ESRRG: variants seen among roughly 807,000 people sequenced by gnomAD.
The protein encoded by ESRRG is estrogen related receptor gamma.
Under a neutral mutation model 44.0 loss-of-function variants are expected in ESRRG, and 13 were observed. The ratio of observed to expected loss-of-function variants is 0.30; its 90% CI spans 0.19 to 0.47. The LOEUF is 0.47. Among genes scored for constraint, ESRRG ranks in the 20% least tolerant of loss-of-function variants. The pLI, the probability that ESRRG is intolerant of heterozygous loss-of-function variation, is 1.00. For synonymous variants in ESRRG, 215 were observed against 214.6 expected (o/e 1.00, Z -0.02); for missense variants, 395 against 580.6 (o/e 0.68, Z 3.29).
chr1:216,594,864 G>A (rs993897202), intron 3 of ESRRG, among the ~76,000 whole-genome samples: 7 of 152,194 alleles, frequency 4.6e-5, no homozygotes, highest in African/African-American at 1.7e-4. Flanking sequence ...CAATTGCAAT[G>A]CAAAGAAATT....
chr1:216,951,314 C>T (rs554177590), intron 1 of ESRRG, among the ~76,000 whole-genome samples: 1 of 152,238 alleles, frequency 6.6e-6, no homozygotes, highest in South Asian at 2.1e-4. Context: ...TAGCATGGAA[C>T]ATAAACACAA....
chr1:216,779,939 A>G lies in ESRRG; in HGVS notation c.-13-102448T>C, dbSNP rs779174217. The stretch of plus-strand genomic sequence containing the variant: ...AAAATCAAACAAGATGCCATGTATA[A>G]AGTGACTAGCAGCCAACATGTTCTA... On this transcript the variant is annotated intron_variant, in intron 2 of 7. Coordinates refer to the ESRRG transcript ENST00000359162. 2.8e-4 allele frequency among the ~76,000 whole-genome samples: 43 copies of G among 151,984 alleles called. No homozygotes were observed. The Middle Eastern group carries it at 0.027, about 96-fold the overall frequency.
chr1:216,994,326 A>G (rs2076095089), intron 1 of ESRRG, among the ~76,000 whole-genome samples: 1 of 152,162 alleles, frequency 6.6e-6, no homozygotes, highest in Non-Finnish European at 1.5e-5. Flanking sequence ...CCAGGTATGC[A>G]TTTTACAAAT....
intron 3 of ESRRG, among the ~76,000 whole-genome samples, chr1:216,574,399 G>A (rs2061337236): frequency 6.6e-6 from 1 of 152,114 alleles, no homozygotes; most frequent in African/African-American, 2.4e-5. Flanking sequence ...AAATAGTTCA[G>A]CCCAAGGTCT....
At chr1:217,059,107 T>C (rs1043480547) in intron 1 of ESRRG, among the ~76,000 whole-genome samples, 4 of 149,576 alleles carry the variant, frequency 2.7e-5, no homozygotes, top group African/African-American at 9.8e-5. Flanking sequence ...CTGAGTGTGA[T>C]CCAGTCCCAG....
At chr1:216,880,253 G>C (rs1295278283) in intron 2 of ESRRG, among the ~76,000 whole-genome samples, 3 of 124,734 alleles carry the variant, frequency 2.4e-5, no homozygotes, top group African/African-American at 9.4e-5. Flanking sequence ...GTTGCAGTGT[G>C]CCAAGATTGT....
At chr1:216,613,654 CGTT>C (rs1284457725) in intron 3 of ESRRG, among the ~76,000 whole-genome samples, 1 of 152,128 alleles carries the variant, frequency 6.6e-6, no homozygotes, top group African/African-American at 2.4e-5. Flanking sequence ...ATTTTAACAA[CGTT>C]GTATTTTACT....
intron 2 of ESRRG, among the ~76,000 whole-genome samples, chr1:216,928,347 GCCAT>G (rs1389792157): frequency 6.6e-6 from 1 of 151,930 alleles, no homozygotes; most frequent in Non-Finnish European, 1.5e-5. Context: ...GCCCCTTCTA[GCCAT>G]CCCACTCCTC....
chr1:217,009,706 T>C lies in ESRRG; in HGVS notation c.-105-70033A>G, dbSNP rs980703767. Among the ~76,000 whole-genome samples the C allele has an allele frequency of 7.0e-5, 10 of 142,322 alleles. No homozygotes were observed. The East Asian group carries it at 8.0e-4, about 11-fold the overall frequency. 93.4% of individuals were successfully genotyped at this position (142,322 alleles called of 152,430 possible). A position where few individuals can be genotyped will look rare whatever the true frequency, so the allele number is the denominator to read the frequency against. ...TATAGTTTCCTTTTTCTTTTTCTTT[T>C]TTTTTTTTTTTTTTTTTGAGATGGA... On this transcript the variant is annotated intron_variant, in intron 1 of 7. Transcript: ENST00000359162.
chr1:217,045,319 G>T (rs2151174798), intron 1 of ESRRG, among the ~76,000 whole-genome samples: 1 of 152,262 alleles, frequency 6.6e-6, no homozygotes, highest in East Asian at 1.9e-4. Context: ...CAGGTCAAAG[G>T]AAGTTCAGGA....
intron 1 of ESRRG, among the ~76,000 whole-genome samples, chr1:217,026,574 T>G (rs1466031470): frequency 6.6e-6 from 1 of 152,182 alleles, no homozygotes; most frequent in Non-Finnish European, 1.5e-5. Context: ...GCTTCCCATT[T>G]GATAACACAT....
intron 3 of ESRRG, among the ~76,000 whole-genome samples, chr1:216,616,830 G>T (rs569699969): frequency 6.6e-6 from 1 of 152,226 alleles, no homozygotes; most frequent in African/African-American, 2.4e-5. Context: ...GAGTAGGGTG[G>T]CAGAAATATT....
intron 2 of ESRRG, among the ~76,000 whole-genome samples, chr1:216,763,065 A>T (rs1366781019): frequency 6.6e-6 from 1 of 152,116 alleles, no homozygotes; most frequent in Non-Finnish European, 1.5e-5. Flanking sequence ...CAACTAAAAA[A>T]ATGGGTTAGT....
At chr1:216,875,309 A>C (rs1193576244) in intron 2 of ESRRG, among the ~76,000 whole-genome samples, 1 of 152,204 alleles carries the variant, frequency 6.6e-6, no homozygotes, top group Non-Finnish European at 1.5e-5. Flanking sequence ...AAGTGAACAC[A>C]CTTTTTATCC....
At chr1:216,542,579 T>A (rs1274370748) in intron 5 of ESRRG, among the ~76,000 whole-genome samples, 1 of 152,016 alleles carries the variant, frequency 6.6e-6, no homozygotes, top group Non-Finnish European at 1.5e-5. Context: ...TATTATTTTG[T>A]AGCATTTGTT....
In ESRRG at chr1:217,064,807, C is replaced by T. The variant is rs540290040; in HGVS notation, c.-106+24700G>A. 2.5e-4 allele frequency among the ~76,000 whole-genome samples: 38 copies of T among 152,256 alleles called. No homozygotes were observed. The South Asian group carries it at 7.5e-3, about 30-fold the overall frequency. On this transcript the variant is annotated intron_variant, in intron 1 of 7. Transcript: ENST00000359162. The stretch of plus-strand genomic sequence containing the variant: ...CTCTGAATCAGAAGGGGATAAAGGA[C>T]ATGTGAAATGGGTCTCTTTCTATTC...
chr1:217,042,929 G>A (rs2084142968), intron 1 of ESRRG, among the ~76,000 whole-genome samples: 1 of 152,096 alleles, frequency 6.6e-6, no homozygotes, highest in Non-Finnish European at 1.5e-5. Context: ...CATTGTCATA[G>A]TATGATACTG....
chr1:216,563,758 T>C (rs1356504318), intron 5 of ESRRG, among the ~76,000 whole-genome samples: 1 of 152,188 alleles, frequency 6.6e-6, no homozygotes, highest in African/African-American at 2.4e-5. Flanking sequence ...TATCTGATTG[T>C]AAGCCAAAGC....
At chr1:217,133,706 C>T (rs1490829635) in intron 1 of ESRRG, among the ~76,000 whole-genome samples, 2 of 103,716 alleles carry the variant, frequency 1.9e-5, no homozygotes, top group African/African-American at 6.4e-5. Flanking sequence ...TACTTTGAGT[C>T]TTTTCCTTCT....
Sources: allele counts gnomAD v4.1 joint callset (sites outside exome capture counted in the v4.1 genomes callset), GRCh38; gene constraint gnomAD v4.1.1; transcripts MANE v1.5; gene names NCBI Gene and HGNC (gene_info 2026-07-23, HGNC 2026-07-21).